The following SGCD variants were observed in gnomAD, a reference collection of about 807,000 sequenced individuals.
SGCD encodes delta-sarcoglycan.
A neutral mutation model predicts 36.6 loss-of-function variants in SGCD; 18 were observed. That is an observed-to-expected ratio of 0.49 (90% CI 0.34 to 0.73). The LOEUF (loss-of-function observed/expected upper bound fraction) is 0.73, where lower values mean the gene tolerates loss of function less well. SGCD is among the 30% of genes least tolerant of loss of function. The probability of loss-of-function intolerance (pLI) is 0.01; values close to 1 mark genes in which losing one functional copy is unlikely to be tolerated. For missense variants in SGCD, 387 were observed against 346.7 expected (o/e 1.12, Z -0.92); for synonymous variants, 133 against 130.6 (o/e 1.02, Z -0.12).
intron 2 of SGCD, among the ~76,000 whole-genome samples, chr5:156,330,451 C>A (rs1416841740): frequency 1.3e-5 from 2 of 152,212 alleles, no homozygotes; most frequent in African/African-American, 2.4e-5. Context: ...TGATCTGATA[C>A]CTCTGAATTG....
At chr5:155,940,463 G>C (rs574680838) in intron 1 of SGCD, among the ~76,000 whole-genome samples, 23 of 152,266 alleles carry the variant, frequency 1.5e-4, no homozygotes, top group African/African-American at 5.3e-4. Context: ...ATTCTCTTTG[G>C]TAAAGAAGAT....
chr5:156,524,125 T>TGTAAAACC (rs1757540854), intron 4 of SGCD, among the ~76,000 whole-genome samples: 1 of 87,736 alleles, frequency 1.1e-5, no homozygotes, highest in African/African-American at 3.9e-5. Flanking sequence ...TATATATATA[T>TGTAAAACC]ATATATATAT....
chr5:156,172,530 A>T (rs756346385), intron 3 of SGCD, among the ~76,000 whole-genome samples: 33 of 152,294 alleles, frequency 2.2e-4, no homozygotes, highest in Non-Finnish European at 2.5e-4. Flanking sequence ...GACTCTTAAG[A>T]CTTCTTTCAG....
chr5:156,206,594 C>G (rs1263304640), intron 3 of SGCD, among the ~76,000 whole-genome samples: 1 of 151,932 alleles, frequency 6.6e-6, no homozygotes, highest in African/African-American at 2.4e-5. Flanking sequence ...AATACAAGAC[C>G]AGTGTGGTTA....
chr5:156,170,333 G>C (rs1299183767), intron 3 of SGCD, among the ~76,000 whole-genome samples: 4 of 152,142 alleles, frequency 2.6e-5, no homozygotes, highest in African/African-American at 9.7e-5. Flanking sequence ...ATTAATTATG[G>C]AAAATAAGGA....
chr5:156,265,043 A>G (rs2127666862), intron 3 of SGCD, among the ~76,000 whole-genome samples: 1 of 143,856 alleles, frequency 7.0e-6, no homozygotes, highest in South Asian at 2.1e-4. Context: ...TGATGATAAC[A>G]TAGCAGCAAA....
chr5:156,511,312 A>G (rs1368299), intron 4 of SGCD, among the ~76,000 whole-genome samples: 47,799 of 152,074 alleles, frequency 0.31, 7,766 homozygotes, highest in Non-Finnish European at 0.36. Context: ...GCCCAAATTC[A>G]TTCACTCTTC....
chr5:156,502,736 TTATGTAGTAAAA>T (rs771350766), intron 3 of SGCD, among the ~76,000 whole-genome samples: 11 of 152,198 alleles, frequency 7.2e-5, no homozygotes, highest in Non-Finnish European at 1.3e-4. Flanking sequence ...CCAAAACTTC[TTATGTAGTAAAA>T]GATGAAATGT....
Position 156,361,837 on chromosome 5 carries a change from A to G in SGCD, c.192+17160A>G, listed in dbSNP as rs188909177. On this transcript the variant is annotated intron_variant, in intron 3 of 8. Transcript: ENST00000337851. Reference sequence around the variant, plus strand: ...ATGGCCTATAAAGAGGTAAACTAAAATAATTATTGGTTGTGATGCATCCTC... The same window carrying G: ...ATGGCCTATAAAGAGGTAAACTAAAGTAATTATTGGTTGTGATGCATCCTC... Among the ~76,000 whole-genome samples the G allele has an allele frequency of 3.2e-4, 49 of 152,374 alleles. No homozygotes were observed. In the East Asian group the frequency reaches 9.2e-3, roughly 29 times the overall value.
chr5:156,237,982 CT>C (rs1407431103), intron 3 of SGCD, among the ~76,000 whole-genome samples: 2 of 151,172 alleles, frequency 1.3e-5, no homozygotes, highest in African/African-American at 4.9e-5. Flanking sequence ...GAGTCTCACT[CT>C]GTTGCCCAGG....
At chr5:156,724,130 C>A (rs752028783) in intron 7 of SGCD, among the ~76,000 whole-genome samples, 3 of 152,058 alleles carry the variant, frequency 2.0e-5, no homozygotes, top group African/African-American at 7.2e-5. Flanking sequence ...AGGGAGAGCA[C>A]GAAGACTGTA....
upstream of SGCD, among the ~76,000 whole-genome samples, chr5:156,323,371 G>A (rs767125493): frequency 1.1e-4 from 17 of 152,124 alleles, no homozygotes; most frequent in Non-Finnish European, 1.9e-4. Flanking sequence ...GGTGACAAAG[G>A]GAATCTGAAA....
rs189265791 is a variant in SGCD at position 156,441,443 on chromosome 5, T to C, written c.193-67158T>C. ...ATCACATGTGATACGTAGTGCATGC[T>C]TGATAAATGTTATCATTGTCATCTA... On this transcript the variant is annotated intron_variant, in intron 3 of 8. Coordinates refer to ENST00000337851, the MANE Select transcript of SGCD (RefSeq NM_000337.6). Among the ~76,000 whole-genome samples the C allele has an allele frequency of 2.4e-4, 36 of 152,308 alleles. No homozygotes were observed. The East Asian group carries it at 5.2e-3, about 22-fold the overall frequency.
chr5:156,245,296 C>T (rs1244996718), intron 3 of SGCD, among the ~76,000 whole-genome samples: 1 of 152,104 alleles, frequency 6.6e-6, no homozygotes, highest in Admixed American at 6.5e-5. Context: ...CTTGTGTGAA[C>T]AGCACCTCAG....
chr5:156,454,991 G>A (rs984335970), intron 3 of SGCD, among the ~76,000 whole-genome samples: 2 of 152,274 alleles, frequency 1.3e-5, no homozygotes, highest in South Asian at 4.1e-4. Context: ...GTGCCTTCAG[G>A]AGAGAGTTCA....
In SGCD at chr5:156,479,133, C is replaced by T. The variant is rs1380446148; in HGVS notation, c.193-29468C>T. Among the ~76,000 whole-genome samples, 4 of 152,208 alleles carry T rather than the reference C, an allele frequency of 2.6e-5. No individual in the cohort carries two copies. In the East Asian group the frequency reaches 5.8e-4, roughly 22 times the overall value. On this transcript the variant is annotated intron_variant, in intron 3 of 8. Coordinates refer to ENST00000337851, the MANE Select transcript of SGCD (RefSeq NM_000337.6). ...TTCCTGAGACAGTCTGGCTATGTCA[C>T]CTAGGCTGGAGTGCAGTGACATGAT...
chr5:156,151,110 A>G (rs764710511), intron 3 of SGCD, among the ~76,000 whole-genome samples: 3 of 151,754 alleles, frequency 2.0e-5, no homozygotes, highest in Non-Finnish European at 4.4e-5. Flanking sequence ...GGGGGAGCCA[A>G]TGGAGATAGA....
At chr5:156,152,246 A>G (rs1312797107) in intron 3 of SGCD, among the ~76,000 whole-genome samples, 1 of 151,612 alleles carries the variant, frequency 6.6e-6, no homozygotes, top group Non-Finnish European at 1.5e-5. Flanking sequence ...TGACTAAGAC[A>G]TTGACCTTAC....
At chr5:156,679,843 A>G (rs1269693662) in intron 7 of SGCD, among the ~76,000 whole-genome samples, 1 of 152,042 alleles carries the variant, frequency 6.6e-6, no homozygotes, top group African/African-American at 2.4e-5. Flanking sequence ...TCTCATATGT[A>G]TCACTTTAGT....
Sources: allele counts gnomAD v4.1 joint callset (sites outside exome capture counted in the v4.1 genomes callset), GRCh38; gene constraint gnomAD v4.1.1; transcripts MANE v1.5; gene names NCBI Gene and HGNC (gene_info 2026-07-23, HGNC 2026-07-21).